The following PRR5 variants were observed in gnomAD, a reference collection of about 807,000 sequenced individuals.
PRR5 encodes the protein proline-rich protein 5.
In PRR5, 25 loss-of-function variants were observed where a neutral mutation model predicts 30.6. That is an observed-to-expected ratio of 0.82 (90% CI 0.60 to 1.14). PRR5 has a LOEUF of 1.14. Among genes scored for constraint, PRR5 ranks in the 50% most tolerant of loss-of-function variants. The pLI, the probability that PRR5 is intolerant of heterozygous loss-of-function variation, is 0.00. For missense variants in PRR5, 600 were observed against 547.1 expected, an observed-to-expected ratio of 1.10 and a Z score of -0.96; for synonymous variants, 286 against 247.1, an observed-to-expected ratio of 1.16 and a Z score of -1.48.
upstream of PRR5, among the ~76,000 whole-genome samples, chr22:44,697,599 C>T (rs185861459): frequency 5.4e-4 from 82 of 152,320 alleles, 1 homozygote; most frequent in Admixed American, 3.5e-3. Flanking sequence ...AGGGGGCGGA[C>T]GTGCCCCTCC....
chr22:44,726,690 C>T (rs1920960553), intron 4 of PRR5, 56 bp downstream of exon 4: 3 of 1,612,656 alleles, frequency 1.9e-6, no homozygotes, highest in Non-Finnish European at 1.7e-6. Context: ...TGGCTGGCTG[C>T]TGGACTGCTG....
At chr22:44,736,643 C>T (rs566588683) in intron 7 of PRR5, 129 bp from the exon 8 acceptor site, 17 of 1,432,988 alleles carry the variant, frequency 1.2e-5, no homozygotes, top group South Asian at 6.3e-5. Context: ...CCTGCTGAGC[C>T]GGGCCCCGGG....
intron 2 of PRR5, among the ~76,000 whole-genome samples, chr22:44,721,100 G>T (rs1929868489): frequency 6.6e-6 from 1 of 152,174 alleles, no homozygotes; most frequent in South Asian, 2.1e-4. Flanking sequence ...TTGACCCCCG[G>T]GACCCTCTGT....
At chr22:44,692,033 C>T (rs1170673278) in intron 1 of PRR5, among the ~76,000 whole-genome samples, 10 of 152,126 alleles carry the variant, frequency 6.6e-5, no homozygotes, top group Non-Finnish European at 1.5e-4. Context: ...ACCGGAATTT[C>T]TGACTGGGAA....
intron 1 of PRR5, among the ~76,000 whole-genome samples, chr22:44,710,025 C>T (rs1927917143): frequency 6.6e-6 from 1 of 152,164 alleles, no homozygotes; most frequent in South Asian, 2.1e-4. Context: ...CCCCTACCCG[C>T]CGCCCCTCCC....
intron 1 of PRR5, among the ~76,000 whole-genome samples, chr22:44,705,647 C>A (rs369194222): frequency 2.7e-5 from 4 of 150,122 alleles, no homozygotes; most frequent in African/African-American, 7.4e-5. Context: ...TCTTTTGAGA[C>A]GGAATCTTGC....
At chr22:44,731,417 A>C in intron 4 of PRR5, 2 of 454,142 alleles carry the variant, frequency 4.4e-6, no homozygotes, top group East Asian at 4.2e-5. Context: ...AGGCCTGGGA[A>C]TTGGCAGCTG....
intron 2 of PRR5, among the ~76,000 whole-genome samples, chr22:44,717,889 A>G (rs1012253544): frequency 3.3e-5 from 5 of 151,188 alleles, no homozygotes; most frequent in African/African-American, 1.2e-4. Flanking sequence ...CTAATTTTGT[A>G]TTTTTAGTAG....
chr22:44,675,537 G>A (rs191332838), upstream of PRR5, among the ~76,000 whole-genome samples: 182 of 152,230 alleles, frequency 1.2e-3, 1 homozygote, highest in African/African-American at 4.3e-3. Flanking sequence ...CTTGGAGCCC[G>A]CCTTTCAGTG....
intron 1 of PRR5, among the ~76,000 whole-genome samples, chr22:44,706,652 C>T (rs1013733520): frequency 2.0e-5 from 3 of 152,176 alleles, no homozygotes; most frequent in African/African-American, 4.8e-5. Context: ...CCTCAGTCTC[C>T]CAAGTAGCTA....
rs1225178847 is a variant in PRR5, at chr22:44,717,636, G to A, written c.215+2965G>A. 2.6e-5 allele frequency among the ~76,000 whole-genome samples: 4 copies of A among 151,914 alleles called. No homozygotes were observed. The South Asian group carries it at 6.3e-4, about 24-fold the overall frequency. ...TTCCATATCAATGGAGGTAGAGCAG[G>A]TAGCCCTTCACGCCTGGCTTCTCTC... On this transcript the variant is annotated intron_variant, in intron 2 of 7. Coordinates refer to ENST00000336985, the MANE Select transcript of PRR5 (RefSeq NM_181333.4).
rs947860958 is a variant in PRR5 at position 44,691,627 on chromosome 22, A to G, written c.-10-10865A>G. On this transcript the variant is annotated intron_variant, in intron 1 of 8. Transcript: ENST00000006251. This position sits in a 1 kb window ranked among gnomAD's most constrained non-coding sequence, Gnocchi z 4.4. ...CGTCTCTACTAAAAACACAAAAACT[A>G]GCCAGGCGTGGTGGTGCACGCCTGT... is the stretch of plus-strand genomic sequence containing the variant. Among the ~76,000 whole-genome samples, 2 of 152,278 alleles carry G rather than the reference A, an allele frequency of 1.3e-5. 1 individual carries two copies.
At chr22:44,726,717 C>T (rs2147138108) in intron 4 of PRR5, 83 bp downstream of exon 4, 1 of 1,598,320 alleles carries the variant, frequency 6.3e-7, no homozygotes, top group Non-Finnish European at 8.5e-7. Context: ...GTGCTGGGGG[C>T]CTCTGGGTGC....
chr22:44,680,364 C>G (rs887186139), intron 1 of PRR5, among the ~76,000 whole-genome samples: 58 of 152,168 alleles, frequency 3.8e-4, no homozygotes, highest in African/African-American at 1.3e-3. Flanking sequence ...GTCCCTCCCC[C>G]ACCCTAAAGT....
chr22:44,721,997 G>C (rs1338832110), intron 2 of PRR5, among the ~76,000 whole-genome samples: 5 of 152,254 alleles, frequency 3.3e-5, no homozygotes, highest in South Asian at 2.1e-4. Flanking sequence ...ATGAGGTTGA[G>C]GTCACAGCTT....
At chr22:44,679,773 G>C (rs770422766) in intron 1 of PRR5, 2 of 1,569,750 alleles carry the variant, frequency 1.3e-6, no homozygotes, top group Non-Finnish European at 1.7e-6. Flanking sequence ...AGTCTGATGG[G>C]GCAGGCTGGT....
At chr22:44,733,637 G>C (rs953263442) in intron 6 of PRR5, among the ~76,000 whole-genome samples, 1 of 152,152 alleles carries the variant, frequency 6.6e-6, no homozygotes, top group African/African-American at 2.4e-5. Context: ...GTCTTTAACA[G>C]AGGGAGGCCT....
At chr22:44,726,667 C>T (rs1375728814) in intron 4 of PRR5, 33 bp downstream of exon 4, 2 of 1,613,788 alleles carry the variant, frequency 1.2e-6, no homozygotes, top group Non-Finnish European at 1.7e-6. Context: ...CCACTCTGGG[C>T]CATGCTGGGT....
In PRR5 at chr22:44,737,310, C is replaced by T. The variant is rs568657970; in HGVS notation, c.*63C>T. On this transcript the variant is annotated 3_prime_UTR_variant, in exon 8 of 8. Coordinates refer to ENST00000336985, the MANE Select transcript of PRR5 (RefSeq NM_181333.4). Reference sequence around the variant, plus strand: ...CCTGTGTGCGGGGGTGTCCATGTGGCGTGTGTGTGAGTGAGACTTTTTTAC... The same window carrying T: ...CCTGTGTGCGGGGGTGTCCATGTGGTGTGTGTGTGAGTGAGACTTTTTTAC... The T allele has an allele frequency of 7.2e-6, 11 of 1,533,060 alleles. No individual in the cohort carries two copies. In the East Asian group the frequency reaches 9.1e-5, roughly 13 times the overall value. 95.0% of individuals were successfully genotyped at this position (1,533,060 alleles called of 1,614,324 possible).
Sources: allele counts gnomAD v4.1 joint callset (sites outside exome capture counted in the v4.1 genomes callset), GRCh38; gene constraint gnomAD v4.1.1; non-coding constraint Gnocchi (gnomAD v3.1); transcripts MANE v1.5; gene names NCBI Gene and HGNC (gene_info 2026-07-23, HGNC 2026-07-21).